The following CIT variants were observed in gnomAD, a reference collection of about 807,000 sequenced individuals.
CIT encodes the protein citron Rho-interacting kinase.
Under a neutral mutation model 272.7 loss-of-function variants are expected in CIT, and 79 were observed. The ratio of observed to expected loss-of-function variants is 0.29; its 90% CI spans 0.24 to 0.35. The LOEUF (loss-of-function observed/expected upper bound fraction) is 0.35, where lower values mean the gene tolerates loss of function less well. Among genes scored for constraint, CIT ranks in the 10% least tolerant of loss-of-function variants. CIT has a pLI of 1.00. For synonymous variants in CIT, 948 were observed against 995.6 expected, an observed-to-expected ratio of 0.95 and a Z score of 0.90; for missense variants, 1,909 against 2,618.3, an observed-to-expected ratio of 0.73 and a Z score of 5.91.
intron 41 of CIT, 84 bp downstream of exon 41, chr12:119,704,279 A>G (rs1005803668): frequency 7.8e-7 from 1 of 1,287,958 alleles, no homozygotes; most frequent in African/African-American, 1.5e-5. Context: ...GCTGTGTCCC[A>G]GGACAGTGCA....
At chr12:119,716,439 T>C (rs1957491223) in intron 32 of CIT, among the ~76,000 whole-genome samples, 1 of 131,014 alleles carries the variant, frequency 7.6e-6, no homozygotes, top group African/African-American at 2.9e-5. Flanking sequence ...TTCAAGGAGT[T>C]ATATAAACAC....
At chr12:119,707,684 TAG>T (rs1248525846) in intron 40 of CIT, among the ~76,000 whole-genome samples, 2 of 152,072 alleles carry the variant, frequency 1.3e-5, no homozygotes, top group Non-Finnish European at 2.9e-5. Context: ...GTATTTTTAG[TAG>T]AGACAGGGTT....
intron 9 of CIT, among the ~76,000 whole-genome samples, chr12:119,813,927 T>G (rs1593841313): frequency 1.3e-5 from 2 of 152,268 alleles, no homozygotes; most frequent in East Asian, 3.9e-4. Flanking sequence ...GGACTTTTTT[T>G]TCATGCGACT....
chr12:119,797,259 A>G (rs1206096090), intron 10 of CIT, among the ~76,000 whole-genome samples: 1 of 152,250 alleles, frequency 6.6e-6, no homozygotes, highest in Non-Finnish European at 1.5e-5. Context: ...GGACTGGGCT[A>G]GGATTGTCTG....
chr12:119,741,998 G>A (rs927941011), intron 24 of CIT, among the ~76,000 whole-genome samples: 3 of 152,116 alleles, frequency 2.0e-5, no homozygotes, highest in African/African-American at 4.8e-5. Context: ...TCCTCCGCAG[G>A]GGCAGCAATC....
chr12:119,818,802 T>C (rs371543286), intron 9 of CIT, among the ~76,000 whole-genome samples: 1 of 152,244 alleles, frequency 6.6e-6, no homozygotes, highest in East Asian at 1.9e-4. Flanking sequence ...TATGCATTTC[T>C]CACTGTTGAG....
chr12:119,757,754 T>G (rs1961203122), intron 21 of CIT, among the ~76,000 whole-genome samples: 1 of 152,122 alleles, frequency 6.6e-6, no homozygotes, highest in Admixed American at 6.5e-5. Flanking sequence ...CACCACTCAG[T>G]GTCAGTCCCT....
At chr12:119,750,750 T>TAGAC (rs377475395) in intron 23 of CIT, among the ~76,000 whole-genome samples, 1,806 of 39,886 alleles carry the variant, frequency 0.045, 37 homozygotes, top group African/African-American at 0.16. Context: ...TATATAGATA[T>TAGAC]AGATAGATAG....
chr12:119,722,162 A>G (rs1376563748), intron 28 of CIT, among the ~76,000 whole-genome samples: 1 of 152,218 alleles, frequency 6.6e-6, no homozygotes, highest in Non-Finnish European at 1.5e-5. Flanking sequence ...GACAGGCTAT[A>G]AAGACGCTGG....
rs769023395 is a variant in CIT, at chr12:119,876,413, TC to T, written c.-13-233del. ...CTTACTTATAAATGTGTTTATTATC[TC>T]CCCCCTTAGAATGGAAGCTCCACAA... On this transcript the variant is annotated intron_variant, in intron 1 of 47. Transcript: ENST00000392521. 1.1e-3 allele frequency among the ~76,000 whole-genome samples: 160 copies of T among 152,114 alleles called. 1 individual carries two copies. Among genetic ancestry groups the T allele is most frequent in the Non-Finnish European group, 9.7e-4 (66 of 67,994 alleles).
chr12:119,709,676 T>C (rs1957052160), intron 39 of CIT, among the ~76,000 whole-genome samples: 1 of 151,982 alleles, frequency 6.6e-6, no homozygotes, highest in Non-Finnish European at 1.5e-5. Context: ...GTACCCTGGT[T>C]ATGTGACAGA....
At chr12:119,812,745 ATTTT>A (rs11315906) in intron 9 of CIT, among the ~76,000 whole-genome samples, 3 of 128,192 alleles carry the variant, frequency 2.3e-5, no homozygotes, top group Non-Finnish European at 3.3e-5. Context: ...TTTATTCTTA[ATTTT>A]TTTTTTTTTT....
chr12:119,721,206 A>G (rs1308231131), intron 29 of CIT, 103 bp downstream of exon 29: 2 of 1,020,908 alleles, frequency 2.0e-6, no homozygotes, highest in East Asian at 5.5e-5. Flanking sequence ...ACCTCAAGTA[A>G]TCTGCCCTCC....
intron 10 of CIT, among the ~76,000 whole-genome samples, chr12:119,794,867 C>T (rs889707393): frequency 2.6e-5 from 4 of 152,296 alleles, no homozygotes; most frequent in Non-Finnish European, 2.9e-5. Context: ...ACTAAGTGTG[C>T]TTCATATCCC....
At chr12:119,853,060 T>G (rs1970336321) in intron 4 of CIT, among the ~76,000 whole-genome samples, 1 of 151,924 alleles carries the variant, frequency 6.6e-6, no homozygotes, top group South Asian at 2.1e-4. Flanking sequence ...TTTCTATAAA[T>G]TTGTGATTGT....
intron 4 of CIT, among the ~76,000 whole-genome samples, chr12:119,852,563 A>G (rs773788963): frequency 8.5e-5 from 13 of 152,106 alleles, no homozygotes; most frequent in East Asian, 5.8e-4. Flanking sequence ...AAAAAAATAC[A>G]AAAATTAGCT....
intron 3 of CIT, among the ~76,000 whole-genome samples, chr12:119,865,646 G>A (rs2138372122): frequency 6.6e-6 from 1 of 152,254 alleles, no homozygotes; most frequent in East Asian, 1.9e-4. Flanking sequence ...GAGGCAGGCA[G>A]ATCACTTGAG....
chr12:119,720,658 C>T, intron 29 of CIT, 73 bp from the exon 30 acceptor site: 1 of 1,117,466 alleles, frequency 8.9e-7, no homozygotes, highest in Non-Finnish European at 1.3e-6. Context: ...CTTTAAGAAA[C>T]TAAAAAGTGA....
At chr12:119,811,002 C>T (rs1966843357) in intron 9 of CIT, among the ~76,000 whole-genome samples, 1 of 152,146 alleles carries the variant, frequency 6.6e-6, no homozygotes, top group Non-Finnish European at 1.5e-5. Context: ...AGTGGTCAGG[C>T]ATGACTTGCC....
Sources: gnomAD v4.1 joint callset for allele counts (sites outside exome capture counted in the v4.1 genomes callset) on GRCh38, gnomAD v4.1.1 for gene constraint, MANE v1.5 for transcripts, NCBI Gene and HGNC (gene_info 2026-07-23, HGNC 2026-07-21) for gene names.